The following SLC35A5 variants were observed in gnomAD, a reference collection of about 807,000 sequenced individuals.
SLC35A5 encodes the protein UDP-sugar transporter protein SLC35A5.
SLC35A5 carries 28 observed loss-of-function variants against 36.3 expected under a neutral mutation model. That is an observed-to-expected ratio of 0.77 (90% CI 0.57 to 1.06). The LOEUF is 1.06. SLC35A5 is among the 50% of genes least tolerant of loss of function. The probability of loss-of-function intolerance (pLI) is 0.00; values close to 1 mark genes in which losing one functional copy is unlikely to be tolerated. For missense variants in SLC35A5, 521 were observed against 499.3 expected (o/e 1.04, Z -0.41); for synonymous variants, 180 against 173.7 (o/e 1.04, Z -0.29).
At position 112,563,455 on chromosome 3, in the gene SLC35A5, T is replaced by G. The variant is rs933147037; in HGVS notation, c.52T>G (p.Tyr18Asp). The G allele has an allele frequency of 1.2e-6, 2 of 1,603,444 alleles. No individual in the cohort carries two copies. Among genetic ancestry groups the G allele is most frequent in the Admixed American group, 1.7e-5 (1 of 59,794 alleles). The change falls in exon 2 of 7, where the codon TAT becomes GAT. Residue 18 changes from tyrosine (Y) to aspartate (D), a missense_variant. Tyr to Asp is a radical substitution (Grantham distance 160). Transcript: ENST00000492406. Reference protein sequence around the residue: ...HPVICSLSTMYTFLLGAIFIA... With the variant: ...HPVICSLSTMDTFLLGAIFIA... ...TGTAATATGCTCCTTGTCAACAATG[T>G]ATACATTCCTGCTAGGTGCCATATT...
rs769253749 is a variant in SLC35A5, at chr3:112,581,312, G to C, written c.1195G>C (p.Glu399Gln). 4 of 1,608,088 alleles carry C rather than the reference G, an allele frequency of 2.5e-6. No homozygotes were observed. Among genetic ancestry groups the C allele is most frequent in the African/African-American group, 1.3e-5 (1 of 74,598 alleles). Residue 399 changes from glutamate to glutamine, a missense_variant, in exon 6 of 7, where the codon GAG becomes CAG. Physicochemically the swap from Glu to Gln is conservative, Grantham distance 29. Coordinates refer to ENST00000492406, the MANE Select transcript of SLC35A5 (RefSeq NM_017945.5). ...RIRDLSGNLWERSSGDGEELE... is the reference protein window; with the variant it reads ...RIRDLSGNLWQRSSGDGEELE... The stretch of plus-strand genomic sequence containing the variant: ...CCGAGATCTAAGTGGCAATCTTTGG[G>C]AGCGTTCCAGTGGGGTAAGTTTGTG...
In SLC35A5 at chr3:112,580,703, A is replaced by C; in HGVS notation, c.586A>C (p.Arg196=). 1 of 1,614,158 alleles carries C rather than the reference A, an allele frequency of 6.2e-7. No individual in the cohort carries two copies. Among genetic ancestry groups the C allele is most frequent in the Non-Finnish European group, 8.5e-7 (1 of 1,179,982 alleles). ...FSPSNSCLLF[R]SECPRKDNCT... Reference sequence around the variant, plus strand: ...CCCTTCCAATTCCTGCCTTCTTTTCAGAAGTGAGTGTCCCAGAAAAGACAA... The same window carrying C: ...CCCTTCCAATTCCTGCCTTCTTTTCCGAAGTGAGTGTCCCAGAAAAGACAA... Residue 196 remains arginine, a synonymous_variant, in exon 6 of 7, where the codon AGA becomes CGA. Coordinates refer to ENST00000492406, the MANE Select transcript of SLC35A5 (RefSeq NM_017945.5).
upstream of SLC35A5, chr3:112,561,555 C>A: frequency 6.2e-7 from 1 of 1,600,220 alleles, no homozygotes; most frequent in African/African-American, 1.3e-5. Context: ...CGGCCGGCCC[C>A]GCGACGGGAT....
Position 112,580,714 on chromosome 3 carries a change from T to A in SLC35A5, c.597T>A (p.Cys199Ter), listed in dbSNP as rs1291291184. The A allele has an allele frequency of 1.2e-6, 2 of 1,614,158 alleles. No individual in the cohort carries two copies. The highest frequency in any genetic ancestry group is 4.5e-5 in the East Asian group (2 of 44,878). ...CCTGCCTTCTTTTCAGAAGTGAGTGTCCCAGAAAAGACAATTGTACAGCAA... is the reference window on the plus strand; with the variant it reads ...CCTGCCTTCTTTTCAGAAGTGAGTGACCCAGAAAAGACAATTGTACAGCAA... ...SNSCLLFRSE[C>*]PRKDNCTAKE... The change falls in exon 6 of 7, where the codon TGT (cysteine) becomes TGA (stop). Residue 199 changes from cysteine (C) to a stop codon, truncating the protein, a stop_gained. Coordinates refer to ENST00000492406, the MANE Select transcript of SLC35A5 (RefSeq NM_017945.5). LOFTEE classifies it high-confidence loss of function.
At chr3:112,561,466 C>T (rs138058725), upstream of SLC35A5, 31 of 1,565,340 alleles carry the variant, frequency 2.0e-5, no homozygotes, top group African/African-American at 3.6e-4. Context: ...CCTTGAGGAC[C>T]GGGGTCAGGT....
At chr3:112,573,708 T>A (rs558384344) in intron 4 of SLC35A5, among the ~76,000 whole-genome samples, 181 bp from the exon 5 acceptor site, 2 of 152,372 alleles carry the variant, frequency 1.3e-5, no homozygotes, top group Admixed American at 1.3e-4. Flanking sequence ...AATTTGATCA[T>A]ATCTACGTAA....
chr3:112,582,460 T>G (rs976785505), intron 6 of SLC35A5, among the ~76,000 whole-genome samples: 1 of 152,168 alleles, frequency 6.6e-6, no homozygotes, highest in African/African-American at 2.4e-5. Flanking sequence ...TCATGTTAGC[T>G]TTGAAATTTT....
Position 112,580,870 on chromosome 3 carries a change from A to G in SLC35A5, c.753A>G (p.Glu251=), listed in dbSNP as rs781013616. The change falls in exon 6 of 7, where the codon GAA becomes GAG. Residue 251 remains glutamate (E), a synonymous_variant. Coordinates refer to ENST00000492406, the MANE Select transcript of SLC35A5 (RefSeq NM_017945.5). ...FISSMANIYN[E]KILKEGNQLT... is the part of the protein sequence containing the mutation. The stretch of plus-strand genomic sequence containing the variant: ...CTTCAATGGCTAATATCTATAATGA[A>G]AAGATACTGAAGGAAGGGAACCAGC... The G allele has an allele frequency of 2.5e-6, 4 of 1,614,168 alleles. No homozygotes were observed. In the South Asian group the frequency reaches 4.4e-5, roughly 18 times the overall value.
In SLC35A5 at chr3:112,585,340, G is replaced by A. The variant is rs1220503080; in HGVS notation, c.*2604G>A. 1 of 152,068 alleles carries A rather than the reference G, an allele frequency of 6.6e-6. No individual in the cohort carries two copies. Among genetic ancestry groups the A allele is most frequent in the Non-Finnish European group, 1.5e-5 (1 of 68,022 alleles). The allele number at this position is 152,068 out of a possible 1,614,324, so 9.4% of individuals were successfully genotyped here. A position where few individuals can be genotyped will look rare whatever the true frequency, so the allele number is the denominator to read the frequency against. On this transcript the variant is annotated 3_prime_UTR_variant, in exon 7 of 7. Transcript: ENST00000492406. ...CCACCTGGTTCCTTCCTCAACACCT[G>A]GGGATTATGGGGATTACAATTCAAG...
chr3:112,572,221 C>T (rs6794410), intron 4 of SLC35A5, among the ~76,000 whole-genome samples: 47,397 of 151,460 alleles, frequency 0.31, 8,164 homozygotes, highest in Middle Eastern at 0.43. Flanking sequence ...GGATTACAGG[C>T]GTGAGCCACC....
At chr3:112,563,319 G>A (rs1310217725) in intron 1 of SLC35A5, 66 bp from the exon 2 acceptor site, 2 of 1,342,932 alleles carry the variant, frequency 1.5e-6, no homozygotes, top group African/African-American at 1.5e-5. Context: ...TTGTCCTCAC[G>A]ATCAATGGTA....
chr3:112,583,277 T>TG lies in SLC35A5; in HGVS notation c.*542dup, dbSNP rs1325588031. On this transcript the variant is annotated 3_prime_UTR_variant, in exon 7 of 7. Transcript: ENST00000492406. ...ACCTGGCCATACCATAGATTTGGGA[T>TG]GATGTAGTCTGTGCTAAATATTTTG... The TG allele has an allele frequency of 1.6e-4, 63 of 395,800 alleles. No individual in the cohort carries two copies. Among genetic ancestry groups the TG allele is most frequent in the African/African-American group, 1.2e-3 (59 of 48,668 alleles). The allele number at this position is 395,800 out of a possible 1,614,324, so 24.5% of individuals were successfully genotyped here.
chr3:112,565,816 G>A (rs142756968), intron 2 of SLC35A5, among the ~76,000 whole-genome samples: 76 of 152,158 alleles, frequency 5.0e-4, no homozygotes, highest in African/African-American at 1.8e-3. Flanking sequence ...AGAAAGAGAA[G>A]GAGTGGTTGG....
At position 112,575,566 on chromosome 3, in the gene SLC35A5, ATAAC is replaced by A. The variant is rs552059550; in HGVS notation, c.428+1615_428+1618del. Among the ~76,000 whole-genome samples the A allele has an allele frequency of 5.7e-4, 86 of 152,062 alleles. 1 individual carries two copies. Among genetic ancestry groups the A allele is most frequent in the Non-Finnish European group, 1.1e-3 (74 of 67,984 alleles). On this transcript the variant is annotated intron_variant, in intron 5 of 6. Coordinates refer to ENST00000492406, the MANE Select transcript of SLC35A5 (RefSeq NM_017945.5). The stretch of plus-strand genomic sequence containing the variant: ...TGATTGCATTTTGCTAATTTTAATA[ATAAC>A]TAACACTGGTATGAATTAAAGTTCA...
At chr3:112,582,176 C>T (rs1280864023) in intron 6 of SLC35A5, among the ~76,000 whole-genome samples, 7 of 152,092 alleles carry the variant, frequency 4.6e-5, no homozygotes, top group Admixed American at 1.3e-4. Context: ...TGCTTAATAA[C>T]ATTCATAGCA....
At chr3:112,575,404 C>T (rs7648413) in intron 5 of SLC35A5, among the ~76,000 whole-genome samples, 2,643 of 152,198 alleles carry the variant, frequency 0.017, 77 homozygotes, top group African/African-American at 0.061. Flanking sequence ...AGCTTTAGTC[C>T]TATCCTATAA....
intron 4 of SLC35A5, among the ~76,000 whole-genome samples, chr3:112,572,405 C>T (rs1934489412): frequency 6.6e-6 from 1 of 152,118 alleles, no homozygotes; most frequent in South Asian, 2.1e-4. Flanking sequence ...CTCTGTAATG[C>T]ATGTTGCTAA....
At position 112,572,083 on chromosome 3, in the gene SLC35A5, C is replaced by T. The variant is rs371985767; in HGVS notation, c.360+1413C>T. 1.9e-3 allele frequency among the ~76,000 whole-genome samples: 279 copies of T among 150,548 alleles called. 5 individuals are homozygous for T. The East Asian group carries it at 0.041, about 22-fold the overall frequency. On this transcript the variant is annotated intron_variant, in intron 4 of 6. Transcript: ENST00000492406. Reference sequence around the variant, plus strand: ...TCAGCCTCCCGAGTAGCTGGGACTACAGGCGCCCGCCACCGCGCCCGGCTA... The same window carrying T: ...TCAGCCTCCCGAGTAGCTGGGACTATAGGCGCCCGCCACCGCGCCCGGCTA...
chr3:112,570,601 G>A lies in SLC35A5; in HGVS notation c.291G>A (p.Trp97Ter), dbSNP rs755174533. ...SWKEFSDFMK[W>*]SIPAFLYFLD... is the part of the protein sequence containing the mutation. Reference sequence around the variant, plus strand: ...AGGAATTCTCTGATTTCATGAAGTGGTCCATTCCTGCCTTTCTTTATTTCC... The same window carrying A: ...AGGAATTCTCTGATTTCATGAAGTGATCCATTCCTGCCTTTCTTTATTTCC... The change falls in exon 4 of 7, where the codon TGG (tryptophan) becomes TGA (stop). Residue 97 changes from tryptophan (W) to a stop codon, truncating the protein, a stop_gained. Transcript: ENST00000492406. LOFTEE classifies it high-confidence loss of function. The A allele has an allele frequency of 3.1e-6, 5 of 1,612,844 alleles. No homozygotes were observed. The East Asian group carries it at 8.9e-5, about 29-fold the overall frequency.
Sources: allele counts gnomAD v4.1 joint callset (sites outside exome capture counted in the v4.1 genomes callset), GRCh38; gene constraint gnomAD v4.1.1; transcripts MANE v1.5; gene names NCBI Gene and HGNC (gene_info 2026-07-23, HGNC 2026-07-21).